Variants in SNX29 observed in about 807,000 individuals in gnomAD.
The protein encoded by SNX29 is sorting nexin 29.
In SNX29, 78 loss-of-function variants were observed where a neutral mutation model predicts 102.1. The ratio of observed to expected loss-of-function variants is 0.76; its 90% CI spans 0.64 to 0.92. SNX29 has a LOEUF of 0.92. Ranked by LOEUF, SNX29 falls within the 40% of genes least tolerant of loss-of-function variation. SNX29 has a pLI of 0.00. For missense variants in SNX29, 1,280 were observed against 1,061.7 expected (o/e 1.21, Z -2.86); for synonymous variants, 580 against 414.5 (o/e 1.40, Z -4.85).
chr16:12,435,716 C>T (rs1312280994), intron 18 of SNX29, among the ~76,000 whole-genome samples: 1 of 152,178 alleles, frequency 6.6e-6, no homozygotes, highest in Non-Finnish European at 1.5e-5. Context: ...TTGCTTTGCT[C>T]CTAGAAGGCC....
intron 1 of SNX29, among the ~76,000 whole-genome samples, chr16:11,984,897 C>A (rs986499289): frequency 6.6e-6 from 1 of 152,140 alleles, no homozygotes; most frequent in African/African-American, 2.4e-5. Flanking sequence ...TCAAGTGATC[C>A]TCCTGCTTCA....
At chr16:11,989,587 C>T (rs1303621941) in intron 1 of SNX29, among the ~76,000 whole-genome samples, 1 of 152,200 alleles carries the variant, frequency 6.6e-6, no homozygotes, top group Non-Finnish European at 1.5e-5. Flanking sequence ...GCCGTTGTGC[C>T]CTGGCCAGTT....
intron 20 of SNX29, among the ~76,000 whole-genome samples, chr16:12,532,074 A>G (rs976099889): frequency 6.6e-6 from 1 of 152,226 alleles, no homozygotes; most frequent in African/African-American, 2.4e-5. Flanking sequence ...TACAGGAACC[A>G]GGACAGGAAC....
intron 19 of SNX29, among the ~76,000 whole-genome samples, chr16:12,519,699 A>G (rs1597712384): frequency 6.6e-6 from 1 of 152,168 alleles, no homozygotes; most frequent in East Asian, 1.9e-4. Flanking sequence ...TCTTATTTAA[A>G]ATTTTTCAGC....
intron 20 of SNX29, among the ~76,000 whole-genome samples, chr16:12,535,566 G>T (rs961954598): frequency 4.6e-5 from 7 of 152,200 alleles, no homozygotes; most frequent in Non-Finnish European, 1.5e-5. Flanking sequence ...AGCATGGGGA[G>T]TGTGAGCTGG....
At chr16:12,062,469 G>T (rs1416229821) in intron 9 of SNX29, among the ~76,000 whole-genome samples, 1 of 152,124 alleles carries the variant, frequency 6.6e-6, no homozygotes, top group Non-Finnish European at 1.5e-5. Context: ...ACACGGTTGA[G>T]CACGTGCCCG....
intron 20 of SNX29, among the ~76,000 whole-genome samples, chr16:12,541,191 C>G (rs976407029): frequency 2.0e-5 from 3 of 152,118 alleles, no homozygotes; most frequent in African/African-American, 7.2e-5. Context: ...ATTGTCTATC[C>G]TGAAGTATTA....
At chr16:12,533,410 GATGC>G (rs1443002014) in intron 20 of SNX29, among the ~76,000 whole-genome samples, 1 of 152,126 alleles carries the variant, frequency 6.6e-6, no homozygotes, top group Non-Finnish European at 1.5e-5. Flanking sequence ...GTGATGTGTT[GATGC>G]ATATTTCCAC....
intron 20 of SNX29, among the ~76,000 whole-genome samples, chr16:12,547,691 C>T (rs915722259): frequency 1.5e-4 from 23 of 152,146 alleles, no homozygotes; most frequent in African/African-American, 5.1e-4. Flanking sequence ...CTGGCCCCCG[C>T]GTTCCTGTCT....
chr16:12,538,936 T>G (rs1043212322), intron 20 of SNX29, among the ~76,000 whole-genome samples: 3 of 152,172 alleles, frequency 2.0e-5, no homozygotes, highest in African/African-American at 4.8e-5. Flanking sequence ...GCTGTGGGCA[T>G]GTAGCAGTGC....
intron 13 of SNX29, among the ~76,000 whole-genome samples, chr16:12,166,534 C>A (rs954892719): frequency 6.6e-6 from 1 of 152,174 alleles, no homozygotes; most frequent in Non-Finnish European, 1.5e-5. Flanking sequence ...TGCAGGGGAG[C>A]GTGGCGCTCA....
intron 15 of SNX29, among the ~76,000 whole-genome samples, chr16:12,332,086 A>G (rs2081306597): frequency 2.0e-5 from 3 of 151,994 alleles, no homozygotes; most frequent in Admixed American, 2.0e-4. Flanking sequence ...TAAAGAAATA[A>G]TTTACAATGT....
chr16:12,066,752 T>C (rs1284362804), intron 9 of SNX29, among the ~76,000 whole-genome samples: 3 of 58,120 alleles, frequency 5.2e-5, no homozygotes, highest in African/African-American at 1.9e-4. Flanking sequence ...GATGGTGGGG[T>C]GGGGGCTGAG....
chr16:12,248,419 A>G (rs1370586281), intron 14 of SNX29, among the ~76,000 whole-genome samples: 1 of 144,416 alleles, frequency 6.9e-6, no homozygotes, highest in Non-Finnish European at 1.5e-5. Context: ...TTTTTTTGAG[A>G]CAGTCTCACT....
At chr16:12,554,322 G>T (rs929281268) in intron 20 of SNX29, among the ~76,000 whole-genome samples, 3 of 152,148 alleles carry the variant, frequency 2.0e-5, no homozygotes, top group African/African-American at 4.8e-5. Flanking sequence ...AACTAAAATG[G>T]GACCAGATGT....
intron 16 of SNX29, among the ~76,000 whole-genome samples, chr16:12,387,141 A>T (rs1464042990): frequency 6.6e-6 from 1 of 151,426 alleles, no homozygotes; most frequent in East Asian, 1.9e-4. Context: ...AAAATAAAAA[A>T]AAAAGAGAGA....
At chr16:12,385,240 T>C (rs1235192638) in intron 16 of SNX29, among the ~76,000 whole-genome samples, 2 of 152,206 alleles carry the variant, frequency 1.3e-5, no homozygotes, top group East Asian at 1.9e-4. Flanking sequence ...TCTTTGCTTA[T>C]TGGGGGACAC....
chr16:12,566,268 C>T (rs1226991243), intron 20 of SNX29, among the ~76,000 whole-genome samples: 2 of 152,216 alleles, frequency 1.3e-5, no homozygotes, highest in Non-Finnish European at 2.9e-5. Context: ...TCAGACAGCA[C>T]TGCCCACAGC....
chr16:12,262,682 TAAG>T (rs1463392531), intron 14 of SNX29, among the ~76,000 whole-genome samples: 1 of 152,198 alleles, frequency 6.6e-6, no homozygotes, highest in Non-Finnish European at 1.5e-5. Flanking sequence ...GTGACAGTGG[TAAG>T]GAGACCAGGG....
Sources: gnomAD v4.1 joint callset for allele counts (sites outside exome capture counted in the v4.1 genomes callset) on GRCh38, gnomAD v4.1.1 for gene constraint, MANE v1.5 for transcripts, NCBI Gene and HGNC (gene_info 2026-07-23, HGNC 2026-07-21) for gene names.